Variants in PRKG1 observed in about 807,000 individuals in gnomAD.
PRKG1 encodes the protein cGMP-dependent protein kinase 1.
PRKG1 carries 35 observed loss-of-function variants against 88.1 expected under a neutral mutation model. The ratio of observed to expected loss-of-function variants is 0.40; its 90% CI spans 0.30 to 0.53. The LOEUF is 0.53. PRKG1 is among the 20% of genes least tolerant of loss of function. PRKG1 has a pLI of 0.59. For synonymous variants in PRKG1, 303 were observed against 292.5 expected (o/e 1.04, Z -0.37); for missense variants, 540 against 839.8 (o/e 0.64, Z 4.41).
At chr10:51,472,686 C>T (rs772191945) in intron 3 of PRKG1, among the ~76,000 whole-genome samples, 71 of 151,860 alleles carry the variant, frequency 4.7e-4, no homozygotes, top group Non-Finnish European at 9.1e-4. Context: ...AAGACACATC[C>T]ACATGTGAAA....
At chr10:51,118,438 C>T (rs1251226086) in intron 1 of PRKG1, among the ~76,000 whole-genome samples, 1 of 152,048 alleles carries the variant, frequency 6.6e-6, no homozygotes, top group African/African-American at 2.4e-5. Context: ...TGTTTGAATT[C>T]AGTGAGTTTC....
intron 2 of PRKG1, among the ~76,000 whole-genome samples, chr10:51,173,795 C>A (rs1837117856): frequency 6.6e-6 from 1 of 151,644 alleles, no homozygotes. Context: ...TCAAATTTTT[C>A]TTGAGGTTTG....
chr10:51,650,959 C>T (rs766728862), intron 3 of PRKG1, among the ~76,000 whole-genome samples: 6 of 152,084 alleles, frequency 3.9e-5, no homozygotes, highest in African/African-American at 9.7e-5. Context: ...CAACTGGGGG[C>T]GATTGTACCC....
At chr10:51,391,702 G>C (rs1252077881) in intron 2 of PRKG1, among the ~76,000 whole-genome samples, 1 of 152,176 alleles carries the variant, frequency 6.6e-6, no homozygotes, top group Non-Finnish European at 1.5e-5. Context: ...AAAAGAAATA[G>C]GGGATAATAG....
intron 7 of PRKG1, chr10:52,081,800 A>G (rs1846782598): frequency 2.6e-6 from 1 of 391,890 alleles, no homozygotes. Context: ...TGAGAAAGTG[A>G]TATTTCAGCA....
At chr10:51,515,551 A>G (rs1400389237) in intron 3 of PRKG1, among the ~76,000 whole-genome samples, 1 of 152,190 alleles carries the variant, frequency 6.6e-6, no homozygotes, top group Non-Finnish European at 1.5e-5. Context: ...ATTCCTGTTT[A>G]TCTGCTTGTT....
intron 3 of PRKG1, among the ~76,000 whole-genome samples, chr10:51,535,948 C>T (rs1005087506): frequency 2.0e-5 from 3 of 152,022 alleles, no homozygotes; most frequent in Admixed American, 6.6e-5. Flanking sequence ...GTCCTGACCT[C>T]CTGACCTCAG....
intron 3 of PRKG1, among the ~76,000 whole-genome samples, chr10:51,566,313 A>G (rs1666128992): frequency 1.3e-5 from 2 of 152,144 alleles, no homozygotes; most frequent in South Asian, 4.1e-4. Context: ...ACAAAGCTGC[A>G]AGTTAAATGG....
intron 3 of PRKG1, among the ~76,000 whole-genome samples, chr10:51,551,859 G>T (rs1837147349): frequency 6.6e-6 from 1 of 151,650 alleles, no homozygotes; most frequent in Non-Finnish European, 1.5e-5. Context: ...TAAAAGCTTT[G>T]ATTCACTTTT....
At chr10:51,204,919 A>G (rs902371185) in intron 2 of PRKG1, among the ~76,000 whole-genome samples, 2 of 152,014 alleles carry the variant, frequency 1.3e-5, no homozygotes, top group African/African-American at 4.8e-5. Context: ...TGTATGACTC[A>G]ATGTTGTAAC....
chr10:51,978,415 A>T (rs1473021928), intron 5 of PRKG1, among the ~76,000 whole-genome samples: 2 of 127,880 alleles, frequency 1.6e-5, no homozygotes, highest in Non-Finnish European at 3.5e-5. Context: ...TTTGCTTAGG[A>T]TTGCCTTGGC....
intron 1 of PRKG1, among the ~76,000 whole-genome samples, chr10:50,996,201 C>G (rs2339689): frequency 0.019 from 2,959 of 152,294 alleles, 50 homozygotes; most frequent in Middle Eastern, 0.071. Context: ...ATCATTTTCT[C>G]ACAGCAGCCC....
At chr10:51,314,360 A>G (rs1170441613) in intron 2 of PRKG1, among the ~76,000 whole-genome samples, 3 of 152,182 alleles carry the variant, frequency 2.0e-5, no homozygotes, top group Non-Finnish European at 4.4e-5. Context: ...TGGCAGGAAA[A>G]AAAAGATAAA....
chr10:51,454,765 C>T (rs1473758562), intron 2 of PRKG1, among the ~76,000 whole-genome samples: 1 of 152,140 alleles, frequency 6.6e-6, no homozygotes, highest in African/African-American at 2.4e-5. Flanking sequence ...TGGGGAAAAT[C>T]ACCACCATGA....
At chr10:52,098,194 G>A (rs1847216744) in intron 7 of PRKG1, among the ~76,000 whole-genome samples, 1 of 152,060 alleles carries the variant, frequency 6.6e-6, no homozygotes. Context: ...TACCACAAAT[G>A]TTTTTTATTA....
intron 9 of PRKG1, among the ~76,000 whole-genome samples, chr10:52,231,587 G>A (rs761798156): frequency 3.9e-5 from 6 of 152,042 alleles, no homozygotes; most frequent in Non-Finnish European, 7.4e-5. Flanking sequence ...TCACCATTAC[G>A]CTAGGTAACA....
chr10:51,369,173 T>G (rs947186012), intron 2 of PRKG1, among the ~76,000 whole-genome samples: 17 of 152,128 alleles, frequency 1.1e-4, no homozygotes, highest in African/African-American at 4.1e-4. Context: ...TAGAAGCGAC[T>G]GTTTCTGAAT....
chr10:51,520,262 G>C (rs1383648444), intron 3 of PRKG1, among the ~76,000 whole-genome samples: 1 of 137,542 alleles, frequency 7.3e-6, no homozygotes, highest in Non-Finnish European at 1.6e-5. Flanking sequence ...TATACATATA[G>C]AGTTATATAT....
intron 3 of PRKG1, among the ~76,000 whole-genome samples, chr10:51,557,923 A>G (rs1457186515): frequency 2.0e-5 from 3 of 151,970 alleles, no homozygotes; most frequent in African/African-American, 7.2e-5. Flanking sequence ...TCAATTTAAA[A>G]GTAAAAATCA....
Sources: gnomAD v4.1 joint callset for allele counts (sites outside exome capture counted in the v4.1 genomes callset) on GRCh38, gnomAD v4.1.1 for gene constraint, MANE v1.5 for transcripts, NCBI Gene and HGNC (gene_info 2026-07-23, HGNC 2026-07-21) for gene names.